The following EVL variants were observed in gnomAD, a reference collection of about 807,000 sequenced individuals.
EVL encodes ena/VASP-like protein.
Under a neutral mutation model 59.6 loss-of-function variants are expected in EVL, and 21 were observed. That is an observed-to-expected ratio of 0.35 (90% confidence interval 0.25 to 0.51). EVL has a LOEUF of 0.51. Among genes scored for constraint, EVL ranks in the 20% least tolerant of loss-of-function variants. The pLI is 0.97. For synonymous variants in EVL, 198 were observed against 203.5 expected (o/e 0.97, Z 0.23); for missense variants, 462 against 546.6 (o/e 0.85, Z 1.54).
chr14:100,100,668 A>G (rs191473645), intron 3 of EVL, among the ~76,000 whole-genome samples: 3 of 151,806 alleles, frequency 2.0e-5, no homozygotes, highest in Admixed American at 6.6e-5. Context: ...AGTCTCAACT[A>G]CTTGGGAGGC....
chr14:100,057,390 G>A (rs904277425), intron 1 of EVL, among the ~76,000 whole-genome samples: 4 of 152,294 alleles, frequency 2.6e-5, no homozygotes, highest in African/African-American at 7.2e-5. Context: ...GCTGACATCG[G>A]GGTTTCTTTA....
At chr14:100,080,015 A>G (rs1030533594) in intron 1 of EVL, among the ~76,000 whole-genome samples, 1 of 151,290 alleles carries the variant, frequency 6.6e-6, no homozygotes, top group Admixed American at 6.6e-5. Context: ...TGGAAGGTCT[A>G]TGATTAGGTT....
At chr14:99,985,438 T>C (rs1254289700) in intron 1 of EVL, among the ~76,000 whole-genome samples, 4 of 152,128 alleles carry the variant, frequency 2.6e-5, no homozygotes, top group Non-Finnish European at 2.9e-5. Context: ...TTGAAGACAA[T>C]GGACTTCAGT....
rs375165033 is a variant in EVL, at chr14:100,135,971, G to A, written c.964+3G>A. On this transcript the variant is annotated splice_donor_region_variant and intron_variant, in intron 9 of 13. Coordinates refer to ENST00000392920, the MANE Select transcript of EVL (RefSeq NM_016337.3). ...CAGCCAGCCACCTAACTCCTCAGGT[G>A]AGAGGGCGCCCCCCGCTGACCCCAG... is the stretch of plus-strand genomic sequence containing the variant. 95 of 1,613,426 alleles carry A rather than the reference G, an allele frequency of 5.9e-5. No individual in the cohort carries two copies. Among genetic ancestry groups the A allele is most frequent in the Non-Finnish European group, 7.6e-5 (90 of 1,180,022 alleles).
intron 4 of EVL, 132 bp from the exon 5 acceptor site, chr14:100,126,575 C>G (rs1217483898): frequency 2.3e-6 from 2 of 869,276 alleles, no homozygotes; most frequent in Non-Finnish European, 3.7e-6. Context: ...GCAGCCGTGG[C>G]ACACAGTGGC....
chr14:100,055,928 C>T (rs770692437), intron 1 of EVL, among the ~76,000 whole-genome samples: 6 of 152,272 alleles, frequency 3.9e-5, no homozygotes, highest in South Asian at 2.1e-4. Flanking sequence ...TCTCCTGTCT[C>T]AGCATCCCGA....
rs1237663021 is a variant in EVL, at chr14:100,065,530, G to T, written c.11+19G>T. 1.4e-6 allele frequency: 2 copies of T among 1,465,300 alleles called. No homozygotes were observed. Among genetic ancestry groups the T allele is most frequent in the East Asian group, 2.5e-5 (1 of 40,292 alleles). The allele number at this position is 1,465,300 out of a possible 1,614,324, so 90.8% of individuals were successfully genotyped here. On this transcript the variant is annotated intron_variant, in intron 1 of 13. Transcript: ENST00000392920. ...CCACAAGGTGAGTATTGGAACCAGT[G>T]CAGGGGACAGAGGGATGTCAAGAGG... is the stretch of plus-strand genomic sequence containing the variant.
intron 1 of EVL, among the ~76,000 whole-genome samples, chr14:100,012,239 C>T (rs2061021100): frequency 6.6e-6 from 1 of 152,222 alleles, no homozygotes; most frequent in East Asian, 1.9e-4. Flanking sequence ...CCATTGCTAA[C>T]TATCATTTCA....
At chr14:100,061,142 G>C (rs2061821012), upstream of EVL, among the ~76,000 whole-genome samples, 1 of 152,066 alleles carries the variant, frequency 6.6e-6, no homozygotes, top group African/African-American at 2.4e-5. Flanking sequence ...TGTAATCCCA[G>C]CCCTTTCGGA....
intron 1 of EVL, among the ~76,000 whole-genome samples, chr14:100,036,840 G>A (rs1044937436): frequency 2.6e-5 from 4 of 152,136 alleles, no homozygotes; most frequent in African/African-American, 7.2e-5. Context: ...TGAAGCCCCT[G>A]ACCTCAGTGT....
Position 100,130,740 on chromosome 14 carries a change from AG to A in EVL, c.839+1060del. 6.6e-6 allele frequency among the ~76,000 whole-genome samples: 1 copy of A among 152,324 alleles called. No individual in the cohort carries two copies. The highest frequency in any genetic ancestry group is 2.4e-5 in the African/African-American group (1 of 41,586). On this transcript the variant is annotated intron_variant, in intron 7 of 13. Transcript: ENST00000392920. The surrounding 1 kb of genome is among the most constrained non-coding windows in gnomAD (Gnocchi z 4.8). ...GGGCCACAGCCTGGGTTTCCTGCCA[AG>A]GGGCTCTTTGCTTGCATCACAGATG...
At chr14:99,985,386 C>A (rs1189390615) in intron 1 of EVL, among the ~76,000 whole-genome samples, 2 of 152,082 alleles carry the variant, frequency 1.3e-5, no homozygotes, top group East Asian at 1.9e-4. Context: ...CACCTTTGTA[C>A]TTCCTTGAAC....
chr14:100,072,072 TCA>T (rs940229253), intron 1 of EVL, among the ~76,000 whole-genome samples: 3 of 152,174 alleles, frequency 2.0e-5, no homozygotes, highest in African/African-American at 7.2e-5. Flanking sequence ...CCTGAATTCT[TCA>T]CACACACAAC....
At chr14:100,002,781 T>G (rs1279180967) in intron 1 of EVL, among the ~76,000 whole-genome samples, 1 of 152,232 alleles carries the variant, frequency 6.6e-6, no homozygotes, top group Non-Finnish European at 1.5e-5. Context: ...GTCATTCATT[T>G]AACTAAAGTG....
intron 3 of EVL, chr14:100,107,224 C>G (rs540753772): frequency 2.5e-6 from 1 of 398,714 alleles, no homozygotes; most frequent in Non-Finnish European, 4.4e-6. Context: ...ATCGTGTCAT[C>G]GTCTCCCATT....
chr14:99,974,271 C>T (rs1226622789), intron 1 of EVL: 1 of 152,154 alleles, frequency 6.6e-6, no homozygotes, highest in Non-Finnish European at 1.5e-5. Flanking sequence ...CCATTGATTT[C>T]TTTTAGCATT....
intron 1 of EVL, among the ~76,000 whole-genome samples, chr14:100,026,668 A>G (rs967989239): frequency 3.3e-5 from 5 of 152,132 alleles, no homozygotes; most frequent in East Asian, 3.8e-4. Context: ...GTGTAGTTGT[A>G]TGATTATTAG....
At chr14:100,049,545 AAC>A (rs1318649296) in intron 1 of EVL, among the ~76,000 whole-genome samples, 1 of 152,202 alleles carries the variant, frequency 6.6e-6, no homozygotes, top group East Asian at 1.9e-4. Flanking sequence ...GGTTTTCTTC[AAC>A]AGTCTCAAAA....
chr14:100,090,401 T>G (rs1289935520), intron 2 of EVL, among the ~76,000 whole-genome samples: 1 of 152,232 alleles, frequency 6.6e-6, no homozygotes, highest in African/African-American at 2.4e-5. Flanking sequence ...CTTACATTAC[T>G]CCTTCGGAGA....
Sources: allele counts gnomAD v4.1 joint callset (sites outside exome capture counted in the v4.1 genomes callset), GRCh38; gene constraint gnomAD v4.1.1; non-coding constraint Gnocchi (gnomAD v3.1); transcripts MANE v1.5; gene names NCBI Gene and HGNC (gene_info 2026-07-23, HGNC 2026-07-21).